The following KSR2 variants were observed in gnomAD, a reference collection of about 807,000 sequenced individuals.
KSR2 encodes kinase suppressor of ras 2.
Under a neutral mutation model 107.8 loss-of-function variants are expected in KSR2, and 25 were observed. The ratio of observed to expected loss-of-function variants is 0.23; its 90% CI spans 0.17 to 0.32. The LOEUF (loss-of-function observed/expected upper bound fraction) is 0.32. KSR2 is among the 10% of genes least tolerant of loss of function. The pLI is 1.00. For missense variants in KSR2, 887 were observed against 1,268.9 expected, an observed-to-expected ratio of 0.70 and a Z score of 4.57; for synonymous variants, 480 against 507.0, an observed-to-expected ratio of 0.95 and a Z score of 0.71.
At chr12:117,803,320 A>G (rs2121299) in intron 3 of KSR2, among the ~76,000 whole-genome samples, 95,590 of 152,050 alleles carry the variant, frequency 0.63, 31,859 homozygotes, top group African/African-American at 0.85. Context: ...GAGTTTATAC[A>G]ATATATTCAC....
At chr12:117,839,458 G>A (rs11068695) in intron 3 of KSR2, among the ~76,000 whole-genome samples, 26,305 of 152,098 alleles carry the variant, frequency 0.17, 4,398 homozygotes, top group African/African-American at 0.44. Context: ...AAAAGTCCCT[G>A]TCTCATGGGG....
chr12:117,611,780 G>A (rs1881616086), intron 5 of KSR2, among the ~76,000 whole-genome samples: 1 of 152,132 alleles, frequency 6.6e-6, no homozygotes, highest in Non-Finnish European at 1.5e-5. Context: ...TGTGATTTCA[G>A]CCCTAAAAAG....
intron 3 of KSR2, among the ~76,000 whole-genome samples, chr12:117,837,935 G>C (rs1040475467): frequency 6.6e-6 from 1 of 152,128 alleles, no homozygotes; most frequent in African/African-American, 2.4e-5. Flanking sequence ...AAGTCAGTGG[G>C]GGAAATTCGG....
chr12:117,648,084 T>C (rs896549792), intron 5 of KSR2, among the ~76,000 whole-genome samples: 2 of 152,160 alleles, frequency 1.3e-5, no homozygotes, highest in African/African-American at 4.8e-5. Context: ...GCAGGTCCAA[T>C]GGTCACAAAC....
intron 5 of KSR2, among the ~76,000 whole-genome samples, chr12:117,596,052 T>TCCCCCCCCCCCCCCCC (rs1880623379): frequency 6.8e-6 from 1 of 147,670 alleles, no homozygotes; most frequent in East Asian, 2.2e-4. Context: ...CTTTTTCCCT[T>TCCCCCCCCCCCCCCCC]CCCTCCCCTC....
chr12:117,479,963 G>A (rs924356242), intron 16 of KSR2, among the ~76,000 whole-genome samples: 8 of 152,150 alleles, frequency 5.3e-5, no homozygotes, highest in East Asian at 3.9e-4. Context: ...GAGACAGTGC[G>A]TGGCACAGGA....
chr12:117,515,238 C>T (rs188798019), intron 14 of KSR2, among the ~76,000 whole-genome samples: 87 of 152,304 alleles, frequency 5.7e-4, no homozygotes, highest in African/African-American at 2.1e-3. Context: ...ACATCACATA[C>T]TTGGCATCTC....
intron 3 of KSR2, among the ~76,000 whole-genome samples, chr12:117,850,673 G>A (rs1222856292): frequency 2.0e-5 from 3 of 152,106 alleles, no homozygotes; most frequent in African/African-American, 7.2e-5. Flanking sequence ...TGCCAGGCAT[G>A]GTGGCACACG....
intron 1 of KSR2, among the ~76,000 whole-genome samples, chr12:117,967,536 C>T (rs1278051828): frequency 1.3e-5 from 2 of 151,368 alleles, no homozygotes; most frequent in African/African-American, 4.9e-5. Context: ...TGATTTAAAA[C>T]AAAAAATCTA....
intron 5 of KSR2, among the ~76,000 whole-genome samples, chr12:117,591,415 G>A (rs551376686): frequency 2.3e-4 from 35 of 152,198 alleles, no homozygotes; most frequent in African/African-American, 5.5e-4. Context: ...AAAGCGGCAC[G>A]ACATAGCTGA....
chr12:117,752,939 G>A (rs1456511939), intron 4 of KSR2, among the ~76,000 whole-genome samples: 1 of 152,160 alleles, frequency 6.6e-6, no homozygotes, highest in Non-Finnish European at 1.5e-5. Flanking sequence ...CGTGGCTGTG[G>A]GTGTGGGATC....
chr12:117,790,496 A>G (rs1441772094), intron 3 of KSR2, among the ~76,000 whole-genome samples: 2 of 152,226 alleles, frequency 1.3e-5, no homozygotes, highest in African/African-American at 4.8e-5. Context: ...ATTTGTCTCA[A>G]GCAAGCAGAG....
At chr12:117,931,093 CAG>C (rs1274127274) in intron 1 of KSR2, among the ~76,000 whole-genome samples, 2 of 152,048 alleles carry the variant, frequency 1.3e-5, no homozygotes, top group Non-Finnish European at 2.9e-5. Flanking sequence ...TCGTGCGGAG[CAG>C]AGACTTCAGC....
chr12:117,558,629 AGGTG>A lies in KSR2; in HGVS notation c.1326-60_1326-57del, dbSNP rs879084085. ...TAGGTGAATGGCTGAGTGAGCGGGT[AGGTG>A]GGTGGGTGGATGAATGGATGGATGG... On this transcript the variant is annotated intron_variant, in intron 7 of 19. Transcript: ENST00000339824. The A allele has an allele frequency of 9.7e-5, 134 of 1,388,128 alleles. No homozygotes were observed. The South Asian group carries it at 1.5e-3, about 15-fold the overall frequency. 86.0% of individuals were successfully genotyped at this position (1,388,128 alleles called of 1,614,324 possible).
intron 5 of KSR2, among the ~76,000 whole-genome samples, chr12:117,658,729 C>T (rs1463089334): frequency 6.6e-6 from 1 of 152,106 alleles, no homozygotes; most frequent in Non-Finnish European, 1.5e-5. Flanking sequence ...ATGGGCAAGA[C>T]GAGGCTGCCA....
At position 117,558,580 on chromosome 12, in the gene KSR2, A is replaced by G. The variant is rs773406972; in HGVS notation, c.1326-7T>C. ...TTTGTTGTGGCACTTTAACCTGAGA[A>G]AGATAAAGAGAGAGAAAGATGGATA... On this transcript the variant is annotated splice_region_variant and splice_polypyrimidine_tract_variant and intron_variant, in intron 7 of 19. Transcript: ENST00000339824. 1.2e-6 allele frequency: 2 copies of G among 1,612,570 alleles called. No individual in the cohort carries two copies. Among genetic ancestry groups the G allele is most frequent in the East Asian group, 2.2e-5 (1 of 44,858 alleles).
intron 1 of KSR2, among the ~76,000 whole-genome samples, chr12:117,879,821 T>TA (rs1893970648): frequency 6.6e-6 from 1 of 152,256 alleles, no homozygotes; most frequent in Non-Finnish European, 1.5e-5. Context: ...ACACATTATA[T>TA]AAAATCTCCT....
At chr12:117,558,650 G>A in intron 7 of KSR2, 77 bp from the exon 8 acceptor site, 1 of 1,047,616 alleles carries the variant, frequency 9.5e-7, no homozygotes, top group Non-Finnish European at 1.5e-6. Context: ...TGGATGAATG[G>A]ATGGATGGGT....
At chr12:117,583,911 C>T (rs375631960) in intron 5 of KSR2, among the ~76,000 whole-genome samples, 2 of 152,226 alleles carry the variant, frequency 1.3e-5, no homozygotes, top group African/African-American at 2.4e-5. Context: ...TCATTTTTCA[C>T]AGCAATTGTT....
Sources: gnomAD v4.1 joint callset for allele counts (sites outside exome capture counted in the v4.1 genomes callset) on GRCh38, gnomAD v4.1.1 for gene constraint, MANE v1.5 for transcripts, NCBI Gene and HGNC (gene_info 2026-07-23, HGNC 2026-07-21) for gene names.